RNF13: variants seen among roughly 807,000 people sequenced by gnomAD.
RNF13 encodes ring finger protein 13.
RNF13 carries 19 observed loss-of-function variants against 37.7 expected under a neutral mutation model. That is an observed-to-expected ratio of 0.50 (90% CI 0.35 to 0.74). RNF13 has a LOEUF of 0.74. Among genes scored for constraint, RNF13 ranks in the 30% least tolerant of loss-of-function variants. The pLI is 0.01. For missense variants in RNF13, 375 were observed against 453.0 expected, an observed-to-expected ratio of 0.83 and a Z score of 1.56; for synonymous variants, 144 against 157.8, an observed-to-expected ratio of 0.91 and a Z score of 0.65.
chr3:149,848,217 G>A (rs1722816001), intron 2 of RNF13, among the ~76,000 whole-genome samples: 2 of 152,164 alleles, frequency 1.3e-5, no homozygotes, highest in Admixed American at 6.5e-5. Flanking sequence ...AAAATGTTAG[G>A]TATGGAAGAA....
At chr3:149,936,877 C>T (rs1010932256) in intron 8 of RNF13, among the ~76,000 whole-genome samples, 3 of 152,148 alleles carry the variant, frequency 2.0e-5, no homozygotes, top group Non-Finnish European at 4.4e-5. Context: ...GTTGCATTCT[C>T]TTAGACTTAG....
intron 4 of RNF13, among the ~76,000 whole-genome samples, chr3:149,875,053 T>G (rs1027927995): frequency 6.6e-6 from 1 of 152,170 alleles, no homozygotes; most frequent in Non-Finnish European, 1.5e-5. Context: ...ATATCCACAA[T>G]TTTGTATGAT....
chr3:149,953,038 A>G (rs1286287136), intron 8 of RNF13, among the ~76,000 whole-genome samples: 1 of 152,198 alleles, frequency 6.6e-6, no homozygotes, highest in African/African-American at 2.4e-5. Context: ...ATCTGCATAG[A>G]TAATATCAAC....
At chr3:149,864,431 T>A (rs1724594412) in intron 3 of RNF13, among the ~76,000 whole-genome samples, 1 of 152,082 alleles carries the variant, frequency 6.6e-6, no homozygotes, top group Admixed American at 6.5e-5. Flanking sequence ...ATGAGCCAAA[T>A]AAACCTCTTT....
At chr3:149,915,104 T>G (rs1717372876) in intron 7 of RNF13, among the ~76,000 whole-genome samples, 1 of 152,178 alleles carries the variant, frequency 6.6e-6, no homozygotes, top group South Asian at 2.1e-4. Flanking sequence ...GGATTATATG[T>G]TTTTTATCTG....
At chr3:149,947,714 C>T (rs1182893555) in intron 8 of RNF13, among the ~76,000 whole-genome samples, 2 of 151,944 alleles carry the variant, frequency 1.3e-5, no homozygotes, top group Non-Finnish European at 2.9e-5. Context: ...TCCTTCAGTT[C>T]TGTCAATGTT....
At position 149,921,183 on chromosome 3, in the gene RNF13, G is replaced by T; in HGVS notation, c.656G>T (p.Arg219Leu). The T allele has an allele frequency of 7.0e-7, 1 of 1,428,816 alleles. No individual in the cohort carries two copies. The allele number at this position is 1,428,816 out of a possible 1,614,324, so 88.5% of individuals were successfully genotyped here. ...CATAGAGCTAGAAGAAACAGACTTC[G>T]TAAAGATCAACTTAAGAAACTTCCT... The part of the protein sequence containing the change: ...DRHRARRNRL[R>L]KDQLKKLPVH... Residue 219 changes from arginine (R) to leucine (L), a missense_variant, in exon 8 of 10, where the codon CGT becomes CTT. Arg to Leu is a moderately radical substitution (Grantham distance 102, BLOSUM62 -2). Coordinates refer to ENST00000392894, the MANE Select transcript of RNF13 (RefSeq NM_183381.3).
intron 3 of RNF13, among the ~76,000 whole-genome samples, chr3:149,865,740 GT>G (rs1428482533): frequency 7.9e-5 from 12 of 152,114 alleles, no homozygotes; most frequent in Non-Finnish European, 2.9e-5. Flanking sequence ...ATTTGGTGTT[GT>G]TTTTCTAGTT....
intron 1 of RNF13, among the ~76,000 whole-genome samples, chr3:149,842,863 T>C (rs954869526): frequency 1.3e-5 from 2 of 152,186 alleles, no homozygotes; most frequent in Non-Finnish European, 2.9e-5. Context: ...GGAGGGACGC[T>C]CCACAGTATT....
At chr3:149,937,510 T>C (rs909959789) in intron 8 of RNF13, among the ~76,000 whole-genome samples, 2 of 152,180 alleles carry the variant, frequency 1.3e-5, no homozygotes, top group Admixed American at 6.5e-5. Flanking sequence ...GATAATGTTG[T>C]CACTGTATAG....
At chr3:149,831,634 C>T (rs1721065977) in intron 1 of RNF13, among the ~76,000 whole-genome samples, 1 of 152,226 alleles carries the variant, frequency 6.6e-6, no homozygotes, top group South Asian at 2.1e-4. Flanking sequence ...TCAGATGAGA[C>T]TTTGGATGTG....
intron 8 of RNF13, among the ~76,000 whole-genome samples, chr3:149,945,244 A>C (rs896156937): frequency 6.6e-6 from 1 of 152,130 alleles, no homozygotes; most frequent in Non-Finnish European, 1.5e-5. Flanking sequence ...CAGGTAGTGT[A>C]ATGCCTCCAG....
At chr3:149,960,384 G>A in intron 9 of RNF13, among the ~76,000 whole-genome samples, 1 of 152,114 alleles carries the variant, frequency 6.6e-6, no homozygotes, top group East Asian at 1.9e-4. Flanking sequence ...GAGGTCAGGA[G>A]ATCGAGACCA....
intron 9 of RNF13, 46 bp downstream of exon 9, chr3:149,960,182 T>C (rs1331568183): frequency 3.1e-6 from 4 of 1,277,944 alleles, no homozygotes; most frequent in Admixed American, 1.7e-5. Flanking sequence ...TAGTAATTTA[T>C]ATTTAGGTTC....
At chr3:149,829,685 T>C (rs1315861168) in intron 1 of RNF13, among the ~76,000 whole-genome samples, 1 of 152,216 alleles carries the variant, frequency 6.6e-6, no homozygotes, top group African/African-American at 2.4e-5. Context: ...TGTTTTGGTT[T>C]CTGATGTAAC....
At chr3:149,956,346 A>G (rs1721859197) in intron 8 of RNF13, among the ~76,000 whole-genome samples, 1 of 152,212 alleles carries the variant, frequency 6.6e-6, no homozygotes, top group African/African-American at 2.4e-5. Context: ...TTTTGCAGAT[A>G]AAAGGTTCCA....
chr3:149,859,547 A>C (rs1724007019), intron 3 of RNF13, among the ~76,000 whole-genome samples: 2 of 152,286 alleles, frequency 1.3e-5, no homozygotes, highest in South Asian at 4.1e-4. Context: ...TGATTTCATA[A>C]ATCAACACAC....
intron 4 of RNF13, among the ~76,000 whole-genome samples, chr3:149,892,972 A>C (rs576991577): frequency 6.6e-6 from 1 of 152,322 alleles, no homozygotes; most frequent in East Asian, 1.9e-4. Flanking sequence ...GGCAAGCTTC[A>C]TGGAGATAAT....
intron 2 of RNF13, among the ~76,000 whole-genome samples, chr3:149,848,463 G>A (rs1478092112): frequency 6.6e-6 from 1 of 152,212 alleles, no homozygotes; most frequent in East Asian, 1.9e-4. Flanking sequence ...GGAACTGGAT[G>A]TGTGACAATC....
Sources: gnomAD v4.1 joint callset for allele counts (sites outside exome capture counted in the v4.1 genomes callset) on GRCh38, gnomAD v4.1.1 for gene constraint, MANE v1.5 for transcripts, NCBI Gene and HGNC (gene_info 2026-07-23, HGNC 2026-07-21) for gene names.